Variants in GLE1 observed in about 807,000 individuals in gnomAD.
The protein encoded by GLE1 is mRNA export factor GLE1.
GLE1 carries 78 observed loss-of-function variants against 97.3 expected under a neutral mutation model. The observed-to-expected ratio is 0.80, with a 90% CI of 0.67 to 0.97. The LOEUF is 0.97. Ranked by LOEUF, GLE1 falls within the 50% of genes least tolerant of loss-of-function variation. The pLI, the probability that GLE1 is intolerant of heterozygous loss-of-function variation, is 0.00. For missense variants in GLE1, 753 were observed against 857.5 expected, an observed-to-expected ratio of 0.88 and a Z score of 1.52; for synonymous variants, 302 against 313.4, an observed-to-expected ratio of 0.96 and a Z score of 0.39.
chr9:128,504,796 T>C lies in GLE1; in HGVS notation c.-10T>C. 6.3e-7 allele frequency: 1 copy of C among 1,588,358 alleles called. No homozygotes were observed. Among genetic ancestry groups the C allele is most frequent in the African/African-American group, 1.3e-5 (1 of 74,580 alleles). ...AGGGGGGCGTCAGAGAAGCTGCCCC[T>C]TAGCCAACCATGCCGTCTGAGGGTC... is the stretch of plus-strand genomic sequence containing the variant. On this transcript the variant is annotated 5_prime_UTR_variant, in exon 1 of 16. Coordinates refer to ENST00000309971, the MANE Select transcript of GLE1 (RefSeq NM_001003722.2).
chr9:128,536,592 G>C (rs376238992), intron 12 of GLE1, 108 bp downstream of exon 12: 4 of 992,608 alleles, frequency 4.0e-6, no homozygotes, highest in Non-Finnish European at 6.4e-6. Context: ...TCTAGTTAAA[G>C]GATAAACTAT....
At chr9:128,507,455 G>A (rs553231653) in intron 1 of GLE1, among the ~76,000 whole-genome samples, 7 of 151,988 alleles carry the variant, frequency 4.6e-5, no homozygotes, top group African/African-American at 9.6e-5. Flanking sequence ...GTGGTGGTGC[G>A]TGCCTGTAGT....
intron 2 of GLE1, among the ~76,000 whole-genome samples, chr9:128,510,589 C>T (rs1292870319): frequency 2.1e-5 from 3 of 142,586 alleles, no homozygotes; most frequent in African/African-American, 7.8e-5. Flanking sequence ...AGTACAGTGG[C>T]ATGGTCTCGG....
At chr9:128,506,405 A>G (rs1489680400) in intron 1 of GLE1, among the ~76,000 whole-genome samples, 1 of 152,204 alleles carries the variant, frequency 6.6e-6, no homozygotes, top group African/African-American at 2.4e-5. Context: ...AGAATTAAAA[A>G]GAAAAATGTC....
intron 2 of GLE1, among the ~76,000 whole-genome samples, chr9:128,512,198 TGGTGAGG>T (rs1325316128): frequency 5.9e-5 from 9 of 152,106 alleles, no homozygotes; most frequent in African/African-American, 1.9e-4. Flanking sequence ...GGGGAGGAAG[TGGTGAGG>T]CTATAAATAT....
chr9:128,539,423 T>C (rs1016537540), intron 13 of GLE1, among the ~76,000 whole-genome samples, 193 bp from the exon 14 acceptor site: 8 of 152,206 alleles, frequency 5.3e-5, no homozygotes, highest in African/African-American at 1.9e-4. Flanking sequence ...AATGGAGATA[T>C]TGCCATATAA....
At chr9:128,516,158 A>G (rs1846979965) in intron 3 of GLE1, among the ~76,000 whole-genome samples, 1 of 151,700 alleles carries the variant, frequency 6.6e-6, no homozygotes, top group Non-Finnish European at 1.5e-5. Context: ...GGGTTTCACT[A>G]TGTTGGTCAG....
chr9:128,531,831 C>CAAAAAAAAAA (rs1206684667), intron 9 of GLE1, among the ~76,000 whole-genome samples: 1 of 51,882 alleles, frequency 1.9e-5, no homozygotes, highest in Non-Finnish European at 4.1e-5. Context: ...GACTCCAGCT[C>CAAAAAAAAAA]AAAAAAAAAA....
intron 3 of GLE1, among the ~76,000 whole-genome samples, chr9:128,519,573 AC>A (rs1242289465): frequency 1.3e-5 from 2 of 152,096 alleles, no homozygotes; most frequent in Admixed American, 1.3e-4. Context: ...TGCTCTCAAA[AC>A]CCTGTCTCCT....
At chr9:128,512,524 T>TA (rs1294026357) in intron 2 of GLE1, among the ~76,000 whole-genome samples, 1 of 152,200 alleles carries the variant, frequency 6.6e-6, no homozygotes, top group Non-Finnish European at 1.5e-5. Flanking sequence ...TTAAAATTTT[T>TA]AAAAAGTATT....
intron 1 of GLE1, among the ~76,000 whole-genome samples, chr9:128,505,520 T>C (rs1846616674): frequency 6.6e-6 from 1 of 152,224 alleles, no homozygotes; most frequent in Non-Finnish European, 1.5e-5. Flanking sequence ...TTTTATGTTG[T>C]TGACAGTTTT....
intron 1 of GLE1, among the ~76,000 whole-genome samples, chr9:128,506,267 C>T (rs921566093): frequency 1.3e-5 from 2 of 152,072 alleles, no homozygotes; most frequent in African/African-American, 4.8e-5. Context: ...ATTGCTTGAA[C>T]CCTGGAAGCA....
intron 6 of GLE1, among the ~76,000 whole-genome samples, chr9:128,524,420 T>C (rs1847243352): frequency 6.6e-6 from 1 of 151,540 alleles, no homozygotes; most frequent in African/African-American, 2.4e-5. Context: ...AATAGAGATC[T>C]CACTATGTTT....
At chr9:128,515,032 G>A (rs938588102) in intron 2 of GLE1, among the ~76,000 whole-genome samples, 11 of 152,050 alleles carry the variant, frequency 7.2e-5, no homozygotes, top group African/African-American at 2.4e-4. Flanking sequence ...TGTTGGTCAG[G>A]ATGGTCTCGA....
intron 1 of GLE1, among the ~76,000 whole-genome samples, chr9:128,506,909 T>G (rs1846655226): frequency 6.6e-6 from 1 of 152,230 alleles, no homozygotes; most frequent in Non-Finnish European, 1.5e-5. Context: ...CTCAATATGT[T>G]TACTTATTTG....
Position 128,527,228 on chromosome 9 carries a change from G to T in GLE1, c.1179G>T (p.Leu393=). 1 of 1,612,428 alleles carries T rather than the reference G, an allele frequency of 6.2e-7. No homozygotes were observed. The highest frequency in any genetic ancestry group is 8.5e-7 in the Non-Finnish European group (1 of 1,178,390). ...TTACAATGCAGTGGTACCAGCAGCTGCAGGATGCTTCCATGCAGTGTGTGT... is the reference window on the plus strand; with the variant it reads ...TTACAATGCAGTGGTACCAGCAGCTTCAGGATGCTTCCATGCAGTGTGTGT... ...QDITMQWYQQ[L]QDASMQCVLT... Residue 393 remains leucine (L), a synonymous_variant, in exon 8 of 16, where the codon CTG becomes CTT. Transcript: ENST00000309971.
chr9:128,512,265 G>A (rs745583322), intron 2 of GLE1, among the ~76,000 whole-genome samples: 2 of 152,208 alleles, frequency 1.3e-5, no homozygotes, highest in Non-Finnish European at 2.9e-5. Context: ...TGTATCTTGA[G>A]TGTGGTGGTG....
chr9:128,529,555 T>C (rs1441785791), intron 9 of GLE1, among the ~76,000 whole-genome samples: 1 of 152,150 alleles, frequency 6.6e-6, no homozygotes, highest in Non-Finnish European at 1.5e-5. Context: ...TCCTATGTCT[T>C]CTAAGTGTTT....
At chr9:128,521,899 C>T (rs1399847335) in intron 3 of GLE1, among the ~76,000 whole-genome samples, 1 of 152,148 alleles carries the variant, frequency 6.6e-6, no homozygotes, top group Admixed American at 6.5e-5. Flanking sequence ...TGAGTACTCT[C>T]ATGAAATGAT....
Sources: gnomAD v4.1 joint callset for allele counts (sites outside exome capture counted in the v4.1 genomes callset) on GRCh38, gnomAD v4.1.1 for gene constraint, MANE v1.5 for transcripts, NCBI Gene and HGNC (gene_info 2026-07-23, HGNC 2026-07-21) for gene names.